Variants in RADIL observed in about 807,000 individuals in gnomAD.
RADIL encodes ras-associating and dilute domain-containing protein.
RADIL carries 99 observed loss-of-function variants against 97.6 expected under a neutral mutation model. The ratio of observed to expected loss-of-function variants is 1.01; its 90% confidence interval spans 0.86 to 1.20. The LOEUF (loss-of-function observed/expected upper bound fraction) is 1.20, where lower values mean the gene tolerates loss of function less well. Among genes scored for constraint, RADIL ranks in the 50% most tolerant of loss-of-function variants. RADIL has a pLI of 0.00. For synonymous variants in RADIL, 803 were observed against 691.8 expected, an observed-to-expected ratio of 1.16 and a Z score of -2.52; for missense variants, 1,765 against 1,498.9, an observed-to-expected ratio of 1.18 and a Z score of -2.93.
intron 2 of RADIL, among the ~76,000 whole-genome samples, chr7:4,839,187 C>A (rs1783381758): frequency 6.6e-6 from 1 of 152,156 alleles, no homozygotes; most frequent in South Asian, 2.1e-4. Context: ...ACCTAAAACA[C>A]CGCTGTATAT....
chr7:4,838,641 T>C (rs1783364218), intron 2 of RADIL, among the ~76,000 whole-genome samples: 1 of 151,996 alleles, frequency 6.6e-6, no homozygotes, highest in African/African-American at 2.4e-5. Context: ...ACTCCCAGGG[T>C]CTCCTTCCTG....
chr7:4,810,363 C>G (rs1782506226), intron 9 of RADIL, among the ~76,000 whole-genome samples: 1 of 151,856 alleles, frequency 6.6e-6, no homozygotes, highest in African/African-American at 2.4e-5. Context: ...GTGGGGTGGT[C>G]TTACTGTGTT....
At position 4,798,053 on chromosome 7, in the gene RADIL, A is replaced by G. The variant is rs2115145677; in HGVS notation, c.*1325T>C. The G allele has an allele frequency of 6.8e-6, 1 of 147,948 alleles. No homozygotes were observed. The highest frequency in any genetic ancestry group is 1.9e-4 in the East Asian group (1 of 5,142). The allele number at this position is 147,948 out of a possible 1,614,324, so 9.2% of individuals were successfully genotyped here. A position where few individuals can be genotyped will look rare whatever the true frequency, so the allele number is the denominator to read the frequency against. On this transcript the variant is annotated 3_prime_UTR_variant, in exon 15 of 15. Coordinates refer to ENST00000399583, the MANE Select transcript of RADIL (RefSeq NM_018059.5). ...TAAAATATACGAATATATTACGTATACATGAATATGTAATATATTCATATA... is the reference window on the plus strand; with the variant it reads ...TAAAATATACGAATATATTACGTATGCATGAATATGTAATATATTCATATA...
In RADIL at chr7:4,814,302, C is replaced by T. The variant is rs6949537; in HGVS notation, c.2139+976G>A. On this transcript the variant is annotated intron_variant, in intron 9 of 14. Transcript: ENST00000399583. The surrounding 1 kb of genome is among the most constrained non-coding windows in gnomAD (Gnocchi z 4.5). ...ACAGCCTCATTTTACGAATTTTCTA[C>T]AGTCAATAAAAATGCTTCACTTTTT... Among the ~76,000 whole-genome samples the T allele has an allele frequency of 0.056, 8,536 of 152,246 alleles. 445 individuals carry two copies. Among genetic ancestry groups the T allele is most frequent in the African/African-American group, 0.14 (5,860 of 41,518 alleles).
chr7:4,830,531 C>T (rs1562440904), intron 5 of RADIL, among the ~76,000 whole-genome samples: 2 of 152,076 alleles, frequency 1.3e-5, no homozygotes, highest in Non-Finnish European at 2.9e-5. Flanking sequence ...AACACAGAAT[C>T]GGGAGAGCAA....
chr7:4,836,926 G>A (rs1048299170), intron 2 of RADIL, among the ~76,000 whole-genome samples: 35 of 151,978 alleles, frequency 2.3e-4, no homozygotes, highest in African/African-American at 7.7e-4. Context: ...TGACAAGAGC[G>A]AAACTCCATC....
intron 2 of RADIL, among the ~76,000 whole-genome samples, chr7:4,846,517 C>G (rs1462342694): frequency 1.3e-5 from 2 of 149,272 alleles, no homozygotes; most frequent in East Asian, 4.0e-4. Context: ...GAAAATGATT[C>G]CAACTCCCTT....
chr7:4,842,048 C>A lies in RADIL; in HGVS notation c.536-5443G>T, dbSNP rs768426013. 1.6e-4 allele frequency among the ~76,000 whole-genome samples: 19 copies of A among 119,154 alleles called. No individual in the cohort carries two copies. The highest frequency in any genetic ancestry group is 7.0e-4 in the African/African-American group (19 of 27,182). 78.2% of individuals were successfully genotyped at this position (119,154 alleles called of 152,430 possible). A position where few individuals can be genotyped will look rare whatever the true frequency, so the allele number is the denominator to read the frequency against. Reference sequence around the variant, plus strand: ...CCAGCCTGGGCAACAGAGCAAGACCCTGTCTCCAAAAAAAAAAAAAGATGC... The same window carrying A: ...CCAGCCTGGGCAACAGAGCAAGACCATGTCTCCAAAAAAAAAAAAAGATGC... On this transcript the variant is annotated intron_variant, in intron 2 of 14. Coordinates refer to ENST00000399583, the MANE Select transcript of RADIL (RefSeq NM_018059.5). This position sits in a 1 kb window ranked among gnomAD's most constrained non-coding sequence, Gnocchi z 4.5.
In RADIL at chr7:4,809,549, C is replaced by T. The variant is rs1026436210; in HGVS notation, c.2140-3833G>A. The T allele has an allele frequency of 4.1e-6, 4 of 985,366 alleles. No homozygotes were observed. In the African/African-American group the frequency reaches 5.2e-5, roughly 13 times the overall value. 61.0% of individuals were successfully genotyped at this position (985,366 alleles called of 1,614,324 possible). ...GCGGCTGCTCGGGAGCCCCCAGGCC[C>T]GCCCAGGCACCACGGCAGGTCCCGC... is the stretch of plus-strand genomic sequence containing the variant. On this transcript the variant is annotated intron_variant, in intron 9 of 14. Coordinates refer to ENST00000399583, the MANE Select transcript of RADIL (RefSeq NM_018059.5).
intron 2 of RADIL, among the ~76,000 whole-genome samples, chr7:4,865,188 T>G (rs180984844): frequency 1.8e-4 from 27 of 152,178 alleles, no homozygotes; most frequent in African/African-American, 6.5e-4. Context: ...CTCTTGAGAG[T>G]GAATTTCCCT....
At chr7:4,838,157 AC>A in intron 2 of RADIL, 2 of 717,956 alleles carry the variant, frequency 2.8e-6, no homozygotes, top group Non-Finnish European at 3.4e-6. Flanking sequence ...CGCCTGCAGA[AC>A]CCGGCCCAGC....
chr7:4,808,790 CCAA>C (rs1562430340), intron 9 of RADIL: 1 of 975,568 alleles, frequency 1.0e-6, no homozygotes, highest in Admixed American at 6.5e-5. Flanking sequence ...GCCCTCCATT[CCAA>C]CACCACTGCC....
chr7:4,812,559 T>C (rs1782575693), intron 9 of RADIL, among the ~76,000 whole-genome samples: 1 of 152,122 alleles, frequency 6.6e-6, no homozygotes, highest in Non-Finnish European at 1.5e-5. Flanking sequence ...GTAGCTGAAA[T>C]TACAGGCACG....
chr7:4,853,864 T>C (rs1783767186), intron 2 of RADIL, among the ~76,000 whole-genome samples: 1 of 152,114 alleles, frequency 6.6e-6, no homozygotes. Context: ...CTAGACATTC[T>C]CTCCTTCCTC....
rs1017446979 is a variant in RADIL, at chr7:4,814,535, A to G, written c.2139+743T>C. On this transcript the variant is annotated intron_variant, in intron 9 of 14. Coordinates refer to ENST00000399583, the MANE Select transcript of RADIL (RefSeq NM_018059.5). This position sits in a 1 kb window ranked among gnomAD's most constrained non-coding sequence, Gnocchi z 4.5. ...AATTACCTGTGATGACTGTGTTGGG[A>G]AGGGGGGTGGTGAGTGGCTGACTGT... Among the ~76,000 whole-genome samples, 3 of 149,508 alleles carry G rather than the reference A, an allele frequency of 2.0e-5. No individual in the cohort carries two copies. Among genetic ancestry groups the G allele is most frequent in the Admixed American group, 1.3e-4 (2 of 15,018 alleles).
rs1782719160 is a variant in RADIL at position 4,817,867 on chromosome 7, G to C, written c.1616-516C>G. Among the ~76,000 whole-genome samples, 1 of 152,174 alleles carries C rather than the reference G, an allele frequency of 6.6e-6. No individual in the cohort carries two copies. Among genetic ancestry groups the C allele is most frequent in the South Asian group, 2.1e-4 (1 of 4,830 alleles). On this transcript the variant is annotated intron_variant, in intron 6 of 14. Transcript: ENST00000399583. This position sits in a 1 kb window ranked among gnomAD's most constrained non-coding sequence, Gnocchi z 8.3. The stretch of plus-strand genomic sequence containing the variant: ...GCCGGGGCGGCTGGAGCTGAGGCTG[G>C]GGGGAGCTGCCCACGGAGTGGTTCC...
rs1443549593 is a variant in RADIL at position 4,883,191 on chromosome 7, T to C, written c.-65+405A>G. 2.0e-5 allele frequency among the ~76,000 whole-genome samples: 3 copies of C among 151,092 alleles called. No homozygotes were observed. Among genetic ancestry groups the C allele is most frequent in the Middle Eastern group, 3.3e-3 (1 of 306 alleles). Reference sequence around the variant, plus strand: ...GCCCCGCTCCCCCGCTGCGCCCCGCTCCCCCGCTGCGCGCCCCGGACGAAG... The same window carrying C: ...GCCCCGCTCCCCCGCTGCGCCCCGCCCCCCCGCTGCGCGCCCCGGACGAAG... On this transcript the variant is annotated intron_variant, in intron 1 of 14. Coordinates refer to ENST00000399583, the MANE Select transcript of RADIL (RefSeq NM_018059.5). This position sits in a 1 kb window ranked among gnomAD's most constrained non-coding sequence, Gnocchi z 7.1.
At chr7:4,804,585 G>C (rs916413413) in intron 10 of RADIL, among the ~76,000 whole-genome samples, 2 of 152,060 alleles carry the variant, frequency 1.3e-5, no homozygotes, top group Admixed American at 1.3e-4. Context: ...TCAGGAATTC[G>C]AGAGCAGCCT....
intron 2 of RADIL, among the ~76,000 whole-genome samples, chr7:4,862,838 G>A (rs953597977): frequency 6.6e-5 from 10 of 151,686 alleles, no homozygotes; most frequent in South Asian, 2.1e-4. Context: ...CAGAGGTTGC[G>A]GTGAGCCAAG....
Sources: gnomAD v4.1 joint callset for allele counts (sites outside exome capture counted in the v4.1 genomes callset) on GRCh38, gnomAD v4.1.1 for gene constraint, Gnocchi (gnomAD v3.1) non-coding constraint, MANE v1.5 for transcripts, NCBI Gene and HGNC (gene_info 2026-07-23, HGNC 2026-07-21) for gene names.